NTRK3: variants seen among roughly 807,000 people sequenced by gnomAD.
The protein encoded by NTRK3 is neurotrophic receptor tyrosine kinase 3.
A neutral mutation model predicts 91.7 loss-of-function variants in NTRK3; 24 were observed. That is an observed-to-expected ratio of 0.26 (90% CI 0.19 to 0.37). The LOEUF (loss-of-function observed/expected upper bound fraction) is 0.37, where lower values mean the gene tolerates loss of function less well. Ranked by LOEUF, NTRK3 falls within the 10% of genes least tolerant of loss-of-function variation. The probability of loss-of-function intolerance (pLI) is 1.00; values close to 1 mark genes in which losing one functional copy is unlikely to be tolerated. For synonymous variants in NTRK3, 483 were observed against 404.0 expected, an observed-to-expected ratio of 1.20 and a Z score of -2.34; for missense variants, 880 against 1,068.9, an observed-to-expected ratio of 0.82 and a Z score of 2.46.
At chr15:87,994,664 C>G (rs1173466573) in intron 14 of NTRK3, among the ~76,000 whole-genome samples, 1 of 152,164 alleles carries the variant, frequency 6.6e-6, no homozygotes, top group African/African-American at 2.4e-5. Flanking sequence ...GCAGCCCTAG[C>G]AAACTAAAAC....
At chr15:88,133,228 G>A (rs1316344561) in intron 10 of NTRK3, among the ~76,000 whole-genome samples, 1 of 152,126 alleles carries the variant, frequency 6.6e-6, no homozygotes, top group Non-Finnish European at 1.5e-5. Context: ...CTAACAGAAG[G>A]GGCTGCTGCA....
At chr15:87,981,974 T>A (rs1596514693) in intron 14 of NTRK3, among the ~76,000 whole-genome samples, 1 of 152,140 alleles carries the variant, frequency 6.6e-6, no homozygotes, top group Admixed American at 6.5e-5. Context: ...AGACTACAAC[T>A]TCTATAAAGA....
intron 13 of NTRK3, among the ~76,000 whole-genome samples, chr15:88,050,517 ATGTGTGTGTGTG>A (rs1031899076): frequency 9.2e-6 from 1 of 108,894 alleles, no homozygotes; most frequent in African/African-American, 4.5e-5. Flanking sequence ...GTGTGTGTGT[ATGTGTGTGTGTG>A]TTTGTATAGA....
At chr15:87,970,336 G>C (rs551373330) in intron 14 of NTRK3, among the ~76,000 whole-genome samples, 1 of 152,312 alleles carries the variant, frequency 6.6e-6, no homozygotes, top group Non-Finnish European at 1.5e-5. Flanking sequence ...CTTCACAAGA[G>C]TGTCTATCCA....
chr15:88,180,438 G>A (rs1269177130), intron 5 of NTRK3, among the ~76,000 whole-genome samples: 1 of 152,170 alleles, frequency 6.6e-6, no homozygotes, highest in Non-Finnish European at 1.5e-5. Flanking sequence ...CATGACGTAA[G>A]GCCCAAGAGT....
intron 13 of NTRK3, among the ~76,000 whole-genome samples, chr15:88,111,893 T>A (rs1249106730): frequency 2.8e-5 from 1 of 35,808 alleles, no homozygotes; most frequent in Non-Finnish European, 5.5e-5. Context: ...GGTTTCTGGT[T>A]TTTTTTTTGT....
intron 15 of NTRK3, among the ~76,000 whole-genome samples, chr15:87,933,722 G>A (rs1315549967): frequency 1.3e-5 from 2 of 152,248 alleles, no homozygotes; most frequent in Admixed American, 6.5e-5. Flanking sequence ...ATTTGCAGAG[G>A]AGAGTGAGCA....
At chr15:88,248,174 T>C (rs954612297) in intron 3 of NTRK3, among the ~76,000 whole-genome samples, 4 of 152,188 alleles carry the variant, frequency 2.6e-5, no homozygotes, top group Admixed American at 6.5e-5. Flanking sequence ...TGGCACCTGT[T>C]CTGCTGCGGG....
intron 13 of NTRK3, among the ~76,000 whole-genome samples, chr15:88,118,387 G>T (rs188883231): frequency 1.3e-5 from 2 of 152,230 alleles, no homozygotes; most frequent in East Asian, 3.9e-4. Flanking sequence ...AGAGGAGGGG[G>T]TCTGTTGGAG....
chr15:88,174,316 G>A (rs2045797681), intron 5 of NTRK3, among the ~76,000 whole-genome samples: 2 of 152,244 alleles, frequency 1.3e-5, no homozygotes, highest in South Asian at 2.1e-4. Context: ...GGCCAAGAAA[G>A]AGCCAAAGGG....
At position 88,184,306 on chromosome 15, in the gene NTRK3, G is replaced by C; in HGVS notation, c.249-7C>G. ...GCGCCAGTTCTCTATGTGTCTGCAG[G>C]GGAGGAGGAAAGGTAACGGTCAGCC... On this transcript the variant is annotated splice_region_variant and splice_polypyrimidine_tract_variant and intron_variant, in intron 3 of 18. Transcript: ENST00000394480. 1.2e-6 allele frequency: 2 copies of C among 1,613,996 alleles called. No individual in the cohort carries two copies. The highest frequency in any genetic ancestry group is 2.2e-5 in the East Asian group (1 of 44,866).
At chr15:87,876,148 C>A in exon 19 of NTRK3, 1 of 233,014 alleles carries the variant, frequency 4.3e-6, no homozygotes, top group East Asian at 6.0e-5. Context: ...TAGAAAGACA[C>A]ATCCTTTGCA....
chr15:87,982,114 C>T (rs924527108), intron 14 of NTRK3, among the ~76,000 whole-genome samples: 6 of 152,300 alleles, frequency 3.9e-5, no homozygotes, highest in African/African-American at 7.2e-5. Context: ...CCAATGTCCC[C>T]GAAGCTGCCT....
chr15:87,868,893 AC>A (rs375138183), exon 19 of NTRK3: 12 of 225,002 alleles, frequency 5.3e-5, no homozygotes, highest in African/African-American at 2.7e-4. Flanking sequence ...AAAGACAAAC[AC>A]CTTGTCCTTC....
At chr15:88,140,744 T>G (rs2042310222) in intron 6 of NTRK3, among the ~76,000 whole-genome samples, 1 of 152,218 alleles carries the variant, frequency 6.6e-6, no homozygotes, top group African/African-American at 2.4e-5. Context: ...TGGCTCAGTG[T>G]TACTATGAAA....
chr15:88,255,921 C>T lies in NTRK3; in HGVS notation c.233G>A (p.Arg78Lys), dbSNP rs776738528. The T allele has an allele frequency of 4.3e-6, 7 of 1,612,442 alleles. No homozygotes were observed. The highest frequency in any genetic ancestry group is 3.4e-6 in the Non-Finnish European group (4 of 1,179,088). Residue 78 changes from arginine (R) to lysine (K), a missense_variant, in exon 3 of 19, where the codon AGG (arginine) becomes AAG (lysine). By Grantham distance (26) the Arg-to-Lys change is conservative (BLOSUM62 2). This residue lies in a region of NTRK3 where 743 missense variants were observed against 868.6 expected (regional missense o/e 0.86). Coordinates refer to ENST00000394480, the Ensembl canonical transcript of NTRK3. This position sits in a 1 kb window ranked among gnomAD's most constrained non-coding sequence, Gnocchi z 4.3. The stretch of plus-strand genomic sequence containing the variant: ...CCTGACTTACATGGAAGTGATATTC[C>T]TTGAGATGTCCGTGATGTTGATACT...
intron 13 of NTRK3, among the ~76,000 whole-genome samples, chr15:88,056,678 C>T (rs1489301639): frequency 1.3e-5 from 2 of 152,188 alleles, no homozygotes; most frequent in Non-Finnish European, 2.9e-5. Context: ...AGCATGGTTC[C>T]GCATGGTCTG....
chr15:88,155,026 A>T (rs1343165328), intron 5 of NTRK3, among the ~76,000 whole-genome samples: 1 of 152,112 alleles, frequency 6.6e-6, no homozygotes, highest in African/African-American at 2.4e-5. Flanking sequence ...TTCTACCAAA[A>T]CACAGCCATG....
chr15:87,925,601 C>A (rs1312897089), intron 17 of NTRK3: 1 of 212,114 alleles, frequency 4.7e-6, no homozygotes. Flanking sequence ...TAGAGAGAAT[C>A]CTTCACAGTA....
Sources: allele counts gnomAD v4.1 joint callset (sites outside exome capture counted in the v4.1 genomes callset), GRCh38; gene constraint gnomAD v4.1.1; regional missense constraint gnomAD v4.1.1; non-coding constraint Gnocchi (gnomAD v3.1); transcripts MANE v1.5; gene names NCBI Gene and HGNC (gene_info 2026-07-23, HGNC 2026-07-21).